Variants in TYR observed in about 807,000 individuals in gnomAD.
TYR encodes the protein LB24-AB.
TYR carries 58 observed loss-of-function variants against 51.5 expected under a neutral mutation model. The ratio of observed to expected loss-of-function variants is 1.13; its 90% CI spans 0.91 to 1.40. The LOEUF (loss-of-function observed/expected upper bound fraction) is 1.40, where lower values mean the gene tolerates loss of function less well. Ranked by LOEUF, TYR falls within the 40% of genes most tolerant of loss-of-function variation. The pLI is 0.00. For missense variants in TYR, 732 were observed against 647.4 expected (o/e 1.13, Z -1.42); for synonymous variants, 263 against 235.2 (o/e 1.12, Z -1.08).
intron 1 of TYR, among the ~76,000 whole-genome samples, chr11:89,187,049 T>A (rs1943383894): frequency 6.6e-6 from 1 of 152,136 alleles, no homozygotes; most frequent in Non-Finnish European, 1.5e-5. Flanking sequence ...GTCTGTAGTA[T>A]TTTCTTATGG....
chr11:89,264,457 C>T (rs1944500265), intron 3 of TYR, among the ~76,000 whole-genome samples: 1 of 151,664 alleles, frequency 6.6e-6, no homozygotes, highest in Admixed American at 6.6e-5. Flanking sequence ...GTTTGTTGTA[C>T]ACTGTTGGTT....
chr11:89,187,266 A>G (rs950605304), intron 1 of TYR, among the ~76,000 whole-genome samples: 19 of 152,164 alleles, frequency 1.2e-4, no homozygotes, highest in Admixed American at 1.1e-3. Context: ...TGCCTAGAGC[A>G]CCACAATATT....
At chr11:89,240,246 T>G (rs1224860132) in intron 3 of TYR, among the ~76,000 whole-genome samples, 1 of 151,494 alleles carries the variant, frequency 6.6e-6, no homozygotes, top group Non-Finnish European at 1.5e-5. Flanking sequence ...GAACTTAAAA[T>G]GAAAGCTGGA....
intron 1 of TYR, among the ~76,000 whole-genome samples, chr11:89,181,361 G>A (rs1255892415): frequency 1.3e-5 from 2 of 152,168 alleles, no homozygotes; most frequent in African/African-American, 4.8e-5. Context: ...ATTCTAATGT[G>A]CAGCCAGCAC....
At chr11:89,191,965 A>C (rs2135253868) in intron 2 of TYR, 1 of 432,024 alleles carries the variant, frequency 2.3e-6, no homozygotes, top group South Asian at 1.7e-5. Context: ...GACTGATACT[A>C]TTTTCCTACG....
intron 4 of TYR, among the ~76,000 whole-genome samples, chr11:89,289,514 T>G (rs1464191967): frequency 6.6e-6 from 1 of 151,950 alleles, no homozygotes; most frequent in East Asian, 1.9e-4. Flanking sequence ...TGCCTTTCTA[T>G]CTTCATCAGA....
At chr11:89,244,188 C>A (rs1944235924) in intron 3 of TYR, among the ~76,000 whole-genome samples, 1 of 152,120 alleles carries the variant, frequency 6.6e-6, no homozygotes, top group African/African-American at 2.4e-5. Context: ...TTTGCCTATA[C>A]TCTTAAAGTT....
At chr11:89,205,914 T>C (rs148565265) in intron 2 of TYR, among the ~76,000 whole-genome samples, 27 of 152,240 alleles carry the variant, frequency 1.8e-4, no homozygotes, top group African/African-American at 6.5e-4. Flanking sequence ...TTAAGACAAA[T>C]AAGGTTTTAC....
chr11:89,202,664 C>T (rs758944488), intron 2 of TYR, among the ~76,000 whole-genome samples: 1 of 151,460 alleles, frequency 6.6e-6, no homozygotes, highest in Non-Finnish European at 1.5e-5. Context: ...ATAGCTGGAT[C>T]CTAGGAAACT....
intron 3 of TYR, among the ~76,000 whole-genome samples, chr11:89,241,138 G>T (rs1423755966): frequency 1.3e-5 from 2 of 152,312 alleles, no homozygotes; most frequent in South Asian, 4.1e-4. Flanking sequence ...GATGGTGTCT[G>T]TAAATGCTCT....
chr11:89,284,869 T>A lies in TYR; in HGVS notation c.1281T>A (p.Val427=). The A allele has an allele frequency of 6.2e-7, 1 of 1,612,020 alleles. No individual in the cohort carries two copies. The highest frequency in any genetic ancestry group is 1.7e-5 in the Admixed American group (1 of 59,814). Residue 427 remains valine (V), a synonymous_variant, in exon 4 of 5, where the codon GTT becomes GTA. Transcript: ENST00000263321. ...PIGHNRESYM[V]PFIPLYRNGD... Reference sequence around the variant, plus strand: ...GACATAACCGGGAATCCTACATGGTTCCTTTTATACCACTGTACAGAAATG... The same window carrying A: ...GACATAACCGGGAATCCTACATGGTACCTTTTATACCACTGTACAGAAATG...
chr11:89,272,126 T>C (rs1247370259), intron 3 of TYR, among the ~76,000 whole-genome samples: 1 of 151,964 alleles, frequency 6.6e-6, no homozygotes, highest in Non-Finnish European at 1.5e-5. Context: ...ATTAATGTTC[T>C]TAATTGTATC....
chr11:89,182,571 G>C (rs1943316114), intron 1 of TYR, among the ~76,000 whole-genome samples: 1 of 152,188 alleles, frequency 6.6e-6, no homozygotes, highest in South Asian at 2.1e-4. Flanking sequence ...TTATTGGTCA[G>C]AGTTTTCTGT....
intron 3 of TYR, among the ~76,000 whole-genome samples, chr11:89,282,553 A>C (rs1225196286): frequency 6.6e-6 from 1 of 151,774 alleles, no homozygotes; most frequent in Admixed American, 6.6e-5. Context: ...TTTTCTTTGT[A>C]TTTTCTCTAT....
chr11:89,287,864 G>A (rs934768500), intron 4 of TYR, among the ~76,000 whole-genome samples: 2 of 151,932 alleles, frequency 1.3e-5, no homozygotes, highest in Admixed American at 6.6e-5. Context: ...TGCAGTGGTG[G>A]TGGCAGGAAG....
At chr11:89,192,481 C>A (rs1051807185) in intron 2 of TYR, among the ~76,000 whole-genome samples, 12 of 152,026 alleles carry the variant, frequency 7.9e-5, no homozygotes, top group Non-Finnish European at 1.8e-4. Flanking sequence ...TTTTGTAATC[C>A]TTTCTCCTTG....
At chr11:89,184,193 A>G (rs1591138000) in intron 1 of TYR, among the ~76,000 whole-genome samples, 1 of 151,454 alleles carries the variant, frequency 6.6e-6, no homozygotes, top group Non-Finnish European at 1.5e-5. Context: ...CGTTAGTAAT[A>G]CCTCCAGTCA....
intron 3 of TYR, among the ~76,000 whole-genome samples, chr11:89,282,095 G>C (rs1276915699): frequency 2.6e-5 from 4 of 151,808 alleles, no homozygotes; most frequent in African/African-American, 9.7e-5. Flanking sequence ...GATGAGGTGG[G>C]TGAGCACATT....
rs750553908 is a variant in TYR at position 89,178,546 on chromosome 11, T to C, written c.593T>C (p.Ile198Thr). ...GGGGGATCTGAAATCTGGAGAGACA[T>C]TGATTTTGCCCATGAAGCACCAGCT... ...LLGGSEIWRD[I>T]DFAHEAPAFL... Residue 198 changes from isoleucine to threonine, a missense_variant, in exon 1 of 5, where the codon ATT becomes ACT. Coordinates refer to ENST00000263321, the MANE Select transcript of TYR (RefSeq NM_000372.5). The C allele has an allele frequency of 6.8e-6, 11 of 1,614,074 alleles. No individual in the cohort carries two copies. The highest frequency in any genetic ancestry group is 2.2e-5 in the East Asian group (1 of 44,890).
Sources: gnomAD v4.1 joint callset for allele counts (sites outside exome capture counted in the v4.1 genomes callset) on GRCh38, gnomAD v4.1.1 for gene constraint, MANE v1.5 for transcripts, NCBI Gene and HGNC (gene_info 2026-07-23, HGNC 2026-07-21) for gene names.